TOP3A: variants seen among roughly 807,000 people sequenced by gnomAD.
TOP3A encodes the protein DNA topoisomerase III alpha.
Under a neutral mutation model 111.3 loss-of-function variants are expected in TOP3A, and 64 were observed. That is an observed-to-expected ratio of 0.57 (90% CI 0.47 to 0.71). The LOEUF is 0.71. TOP3A is among the 30% of genes least tolerant of loss of function. The pLI is 0.00. For missense variants in TOP3A, 1,104 were observed against 1,285.0 expected, an observed-to-expected ratio of 0.86 and a Z score of 2.15; for synonymous variants, 484 against 485.1, an observed-to-expected ratio of 1.00 and a Z score of 0.03.
intron 9 of TOP3A, among the ~76,000 whole-genome samples, chr17:18,298,264 C>T (rs1980975658): frequency 6.7e-6 from 1 of 149,708 alleles, no homozygotes; most frequent in African/African-American, 2.5e-5. Flanking sequence ...CCCCTCCGCC[C>T]AGCAGCCACC....
At position 18,302,245 on chromosome 17, in the gene TOP3A, C is replaced by A. The variant is rs377342777; in HGVS notation, c.814+19G>T. On this transcript the variant is annotated intron_variant, in intron 7 of 18. Transcript: ENST00000321105. ...TGAGCCCATAGGTCCCAGGCCATAA[C>A]ACCCACTCCAGGCCCTACCTTTAAT... The A allele has an allele frequency of 3.1e-6, 5 of 1,591,564 alleles. No homozygotes were observed. In the African/African-American group the frequency reaches 6.8e-5, roughly 22 times the overall value.
At chr17:18,297,453 C>CCCACGGTCTCCGTCTCCCTCTCT (rs887319289) in intron 9 of TOP3A, among the ~76,000 whole-genome samples, 2 of 151,980 alleles carry the variant, frequency 1.3e-5, no homozygotes, top group Non-Finnish European at 2.9e-5. Flanking sequence ...TCTCCCTCTC[C>CCCACGGTCTCCGTCTCCCTCTCT]CCACGGTCTC....
intron 1 of TOP3A, among the ~76,000 whole-genome samples, chr17:18,311,436 G>A (rs901327663): frequency 2.0e-5 from 3 of 152,166 alleles, no homozygotes; most frequent in Non-Finnish European, 4.4e-5. Flanking sequence ...TGGGATTACA[G>A]GACCCCGCCA....
intron 17 of TOP3A, among the ~76,000 whole-genome samples, chr17:18,279,362 T>C (rs1367206313): frequency 6.6e-6 from 1 of 151,994 alleles, no homozygotes; most frequent in Non-Finnish European, 1.5e-5. Context: ...GTTCACGCCA[T>C]TCTCCTGCCT....
intron 9 of TOP3A, among the ~76,000 whole-genome samples, chr17:18,298,074 C>T (rs1325280628): frequency 5.7e-4 from 87 of 151,354 alleles, no homozygotes; most frequent in African/African-American, 2.0e-3. Flanking sequence ...TCTGCCCTGC[C>T]GCCCCGTCTG....
At chr17:18,307,258 T>C (rs1018002358) in intron 3 of TOP3A, 2 of 270,932 alleles carry the variant, frequency 7.4e-6, no homozygotes, top group African/African-American at 4.4e-5. Flanking sequence ...TGTTTAAAGA[T>C]TTAATAAAAA....
intron 5 of TOP3A, among the ~76,000 whole-genome samples, chr17:18,303,497 C>T (rs1277955921): frequency 6.6e-6 from 1 of 152,140 alleles, no homozygotes; most frequent in Non-Finnish European, 1.5e-5. Context: ...TACAACCGAC[C>T]ATATATTCTA....
Position 18,290,917 on chromosome 17 carries a change from G to A in TOP3A, c.1392C>T (p.Arg464=), listed in dbSNP as rs377197518. The A allele has an allele frequency of 1.9e-5, 31 of 1,614,184 alleles. No individual in the cohort carries two copies. The highest frequency in any genetic ancestry group is 2.5e-5 in the Non-Finnish European group (29 of 1,180,042). Residue 464 remains arginine, a synonymous_variant, in exon 12 of 19, where the codon CGC becomes CGT. Transcript: ENST00000321105. The stretch of plus-strand genomic sequence containing the variant: ...GAATCATGAGGCCATGGGCCACAAA[G>A]CGTTCCTGAGCGATGTCGATCTCCA... ...TTVEIDIAQE[R]FVAHGLMILA...
Position 18,285,411 on chromosome 17 carries a change from C to T in TOP3A, c.1707G>A (p.Val569=). The T allele has an allele frequency of 6.2e-7, 1 of 1,614,102 alleles. No individual in the cohort carries two copies. Among genetic ancestry groups the T allele is most frequent in the Non-Finnish European group, 8.5e-7 (1 of 1,180,014 alleles). ...GCAAGCTCTGTCCTCCCTTACCTTC[C>T]ACAAGTCCCATGCCCAGGTGCCCAG... ...FLPGHLGMGL[V]EGYDSMGYEM... The change falls in exon 14 of 19, where the codon GTG becomes GTA. Residue 569 remains valine (V), a synonymous_variant. Transcript: ENST00000321105.
In TOP3A at chr17:18,285,366, G is replaced by A. The variant is rs59179919; in HGVS notation, c.1711+41C>T. ...ACCTGAGACCCTCAGGGACTTGGGC[G>A]ACACCACCCACTACCCACTGCAAGC... On this transcript the variant is annotated intron_variant, in intron 14 of 18. Transcript: ENST00000321105. 1.9e-4 allele frequency: 300 copies of A among 1,612,844 alleles called. 1 individual carries two copies. The African/African-American group carries it at 3.4e-3, about 18-fold the overall frequency.
rs556721032 is a variant in TOP3A, at chr17:18,281,509, C to T, written c.2022-851G>A. Reference sequence around the variant, plus strand: ...TAAAACAAAAGTAGTTATTCTCTCTCCTTATATTCCAATGAGTACTAATCC... The same window carrying T: ...TAAAACAAAAGTAGTTATTCTCTCTTCTTATATTCCAATGAGTACTAATCC... On this transcript the variant is annotated intron_variant, in intron 16 of 18. Coordinates refer to ENST00000321105, the MANE Select transcript of TOP3A (RefSeq NM_004618.5). Among the ~76,000 whole-genome samples, 11 of 152,232 alleles carry T rather than the reference C, an allele frequency of 7.2e-5. No individual in the cohort carries two copies. In the South Asian group the frequency reaches 2.3e-3, roughly 32 times the overall value.
chr17:18,284,174 A>ATTT (rs34810719), intron 15 of TOP3A, among the ~76,000 whole-genome samples: 36 of 126,834 alleles, frequency 2.8e-4, no homozygotes, highest in Admixed American at 5.5e-4. Context: ...TAATTTTTGT[A>ATTT]TTTTTTTTTT....
In TOP3A at chr17:18,277,203, A is replaced by G. The variant is rs564704556; in HGVS notation, c.2827+472T>C. Among the ~76,000 whole-genome samples the G allele has an allele frequency of 9.9e-5, 15 of 151,900 alleles. No homozygotes were observed. The East Asian group carries it at 2.1e-3, about 22-fold the overall frequency. On this transcript the variant is annotated intron_variant, in intron 18 of 18. Transcript: ENST00000321105. ...CAGTCTCCAAAAAAAAAAAAAAAAA[A>G]AAAGAAATGAGGCTGATGCTTATGG...
At position 18,308,859 on chromosome 17, in the gene TOP3A, T is replaced by A. The variant is rs759835229; in HGVS notation, c.240+23A>T. The A allele has an allele frequency of 2.5e-5, 37 of 1,474,908 alleles. 1 individual carries two copies. The Admixed American group carries it at 7.4e-4, about 29-fold the overall frequency. The allele number at this position is 1,474,908 out of a possible 1,614,324, so 91.4% of individuals were successfully genotyped here. A position where few individuals can be genotyped will look rare whatever the true frequency, so the allele number is the denominator to read the frequency against. On this transcript the variant is annotated intron_variant, in intron 2 of 18. Coordinates refer to ENST00000321105, the MANE Select transcript of TOP3A (RefSeq NM_004618.5). ...TTTCTCTTGCTTATGATTGAAATATTTTAGAAATATTTTAGCACCTACCTG... is the reference window on the plus strand; with the variant it reads ...TTTCTCTTGCTTATGATTGAAATATATTAGAAATATTTTAGCACCTACCTG...
intron 18 of TOP3A, among the ~76,000 whole-genome samples, chr17:18,277,183 T>TC (rs1388210334): frequency 5.8e-5 from 2 of 34,624 alleles, no homozygotes; most frequent in Non-Finnish European, 9.9e-5. Flanking sequence ...AAACTCAGTC[T>TC]CCAAAAAAAA....
At chr17:18,300,393 G>A (rs554853112) in intron 8 of TOP3A, among the ~76,000 whole-genome samples, 15 of 151,538 alleles carry the variant, frequency 9.9e-5, no homozygotes, top group South Asian at 6.3e-4. Context: ...ACTTTGTCTC[G>A]GGGGAGAAAA....
chr17:18,275,076 T>G, intron 18 of TOP3A, 96 bp from the exon 19 acceptor site: 1 of 1,491,058 alleles, frequency 6.7e-7, no homozygotes. Context: ...CCCAGCACTT[T>G]AGGAAGCTGA....
chr17:18,278,379 A>G (rs773316326), intron 17 of TOP3A, 22 bp from the exon 18 acceptor site: 41 of 1,502,946 alleles, frequency 2.7e-5, no homozygotes, highest in Non-Finnish European at 3.5e-5. Flanking sequence ...AGAAGATGAG[A>G]AAAAACATTA....
At chr17:18,285,596 C>T in intron 13 of TOP3A, 76 bp from the exon 14 acceptor site, 1 of 1,270,194 alleles carries the variant, frequency 7.9e-7, no homozygotes, top group South Asian at 1.3e-5. Context: ...GCACCTTGCT[C>T]ACCCCGGAAT....
Sources: allele counts gnomAD v4.1 joint callset (sites outside exome capture counted in the v4.1 genomes callset), GRCh38; gene constraint gnomAD v4.1.1; transcripts MANE v1.5; gene names NCBI Gene and HGNC (gene_info 2026-07-23, HGNC 2026-07-21).